Variants in TTN observed in about 807,000 individuals in gnomAD.
The protein encoded by TTN is connectin.
In TTN, 1,525 loss-of-function variants were observed where a neutral mutation model predicts 3,223.0. The ratio of observed to expected loss-of-function variants is 0.47; its 90% CI spans 0.45 to 0.49. The LOEUF is 0.49. TTN is among the 20% of genes least tolerant of loss of function. The probability of loss-of-function intolerance (pLI) is 0.00; values close to 1 mark genes in which losing one functional copy is unlikely to be tolerated. For synonymous variants in TTN, 14,094 were observed against 15,161.0 expected, an observed-to-expected ratio of 0.93 and a Z score of 5.17; for missense variants, 40,786 against 43,424.0, an observed-to-expected ratio of 0.94 and a Z score of 5.40.
rs757701692 is a variant in TTN, at chr2:178,580,399, T to C, written c.66980A>G (p.Tyr22327Cys). The C allele has an allele frequency of 6.2e-7, 1 of 1,613,320 alleles. No homozygotes were observed. The highest frequency in any genetic ancestry group is 8.5e-7 in the Non-Finnish European group (1 of 1,179,464). The change falls in exon 317 of 363, where the codon TAT becomes TGT. Residue 22327 changes from tyrosine (Y) to cysteine (C), a missense_variant. By Grantham distance (194) the Tyr-to-Cys change is radical (BLOSUM62 -2). Transcript: ENST00000589042. The part of the protein sequence containing the change: ...TFLRCENVNK[Y>C]DAGKYILTLE... ...GGTTAAGATATATTTTCCTGCATCA[T>C]ATTTGTTCACATTTTCACAGCGCAA...
In TTN at chr2:178,529,195, T is replaced by C. The variant is rs1422047351; in HGVS notation, c.106556A>G (p.Lys35519Arg). Reference protein sequence around the residue: ...IKAIKDTEAQKVSTQKTSEIT... With the variant: ...IKAIKDTEAQRVSTQKTSEIT... ...TTCAGAAGTCTTTTGTGTAGAGACTTTCTGTGCCTCAGTATCTTTTATAGC... is the reference window on the plus strand; with the variant it reads ...TTCAGAAGTCTTTTGTGTAGAGACTCTCTGTGCCTCAGTATCTTTTATAGC... Residue 35519 changes from lysine to arginine, a missense_variant, in exon 360 of 363, where the codon AAA becomes AGA. Transcript: ENST00000589042. 1 of 1,504,720 alleles carries C rather than the reference T, an allele frequency of 6.6e-7. No individual in the cohort carries two copies. The highest frequency in any genetic ancestry group is 1.8e-4 in the Middle Eastern group (1 of 5,626). The allele number at this position is 1,504,720 out of a possible 1,614,324, so 93.2% of individuals were successfully genotyped here.
At chr2:178,536,630 A>ATTAAT (rs1691630788) in intron 356 of TTN, 55 bp from the exon 357 acceptor site, 3 of 1,403,796 alleles carry the variant, frequency 2.1e-6, no homozygotes, top group Non-Finnish European at 2.8e-6. Context: ...GCTTTATTAA[A>ATTAAT]GCTTATTTTT....
In TTN at chr2:178,589,508, A is replaced by G; in HGVS notation, c.62217T>C (p.Tyr20739=). ...MVDRCVENQI[Y]EFRVQTKNEG... Reference sequence around the variant, plus strand: ...CATTCTTTGTTTGCACTCTGAACTCATAAATCTGGTTTTCAACACATCTGT... The same window carrying G: ...CATTCTTTGTTTGCACTCTGAACTCGTAAATCTGGTTTTCAACACATCTGT... The change falls in exon 304 of 363, where the codon TAT becomes TAC. Residue 20739 remains tyrosine, a synonymous_variant. Transcript: ENST00000589042. The G allele has an allele frequency of 6.2e-7, 1 of 1,613,384 alleles. No homozygotes were observed. Among genetic ancestry groups the G allele is most frequent in the African/African-American group, 1.3e-5 (1 of 75,010 alleles).
At position 178,565,306 on chromosome 2, in the gene TTN, A is replaced by C. The variant is rs764386833; in HGVS notation, c.80826T>G (p.Gly26942=). Residue 26942 remains glycine, a synonymous_variant, in exon 326 of 363, where the codon GGT becomes GGG. Coordinates refer to ENST00000589042, the MANE Select transcript of TTN (RefSeq NM_001267550.2). ...TGTATTTTCCAAAGTCATCTTTGTT[A>C]CCTTCTTTAATGTGCAAAACAGTTG... ...ATSTVLHIKE[G]NKDDFGKYTV... is the part of the protein sequence containing the mutation. 6 of 1,613,488 alleles carry C rather than the reference A, an allele frequency of 3.7e-6. No individual in the cohort carries two copies. Among genetic ancestry groups the C allele is most frequent in the Non-Finnish European group, 3.4e-6 (4 of 1,179,666 alleles).
intron 296 of TTN, 27 bp downstream of exon 296, chr2:178,594,317 G>A (rs1268375183): frequency 6.3e-7 from 1 of 1,590,194 alleles, no homozygotes; most frequent in Admixed American, 1.9e-5. Flanking sequence ...GCAAGTTTCA[G>A]AAGTATAAAT....
intron 147 of TTN, among the ~76,000 whole-genome samples, chr2:178,676,498 G>T (rs555071077): frequency 3.3e-5 from 5 of 151,926 alleles, no homozygotes; most frequent in Admixed American, 3.3e-4. Context: ...ATTCTGTCCT[G>T]TACTATGAGC....
At chr2:178,635,820 A>G in intron 226 of TTN, 105 bp from the exon 227 acceptor site, 2 of 1,515,024 alleles carry the variant, frequency 1.3e-6, no homozygotes, top group Non-Finnish European at 1.8e-6. Flanking sequence ...AATACTGGGC[A>G]TAATTAATCC....
Position 178,580,806 on chromosome 2 carries a change from TAGGCTTAACC to T in TTN, c.66770-207_66770-198del, listed in dbSNP as rs530965171. On this transcript the variant is annotated intron_variant, in intron 316 of 362. Transcript: ENST00000589042. ...GATCTTTCCATTTTCCACTATGCTT[TAGGCTTAACC>T]AGGTTTTCCCCCCGGAGGATCTGTA... 816 of 607,302 alleles carry T rather than the reference TAGGCTTAACC, an allele frequency of 1.3e-3. 3 individuals carry two copies. The highest frequency in any genetic ancestry group is 1.7e-3 in the Non-Finnish European group (638 of 368,570). 37.6% of individuals were successfully genotyped at this position (607,302 alleles called of 1,614,324 possible).
chr2:178,557,127 G>A lies in TTN; in HGVS notation c.88027C>T (p.Arg29343Cys). 4.3e-6 allele frequency: 7 copies of A among 1,613,562 alleles called. No individual in the cohort carries two copies. The East Asian group carries it at 8.9e-5, about 21-fold the overall frequency. ...IDACEPPRNV[R>C]ITDISKNSVS... ...GAGTTCTTTGAAATATCAGTGATAC[G>A]AACATTTCTTGGGGGTTCTGTGGTA... Residue 29343 changes from arginine to cysteine, a missense_variant, in exon 330 of 363, where the codon CGT (arginine) becomes TGT (cysteine). Physicochemically the swap from Arg to Cys is radical, Grantham distance 180. Coordinates refer to ENST00000589042, the MANE Select transcript of TTN (RefSeq NM_001267550.2).
chr2:178,607,883 C>T lies in TTN; in HGVS notation c.52904G>A (p.Arg17635Gln), dbSNP rs773522736. The change falls in exon 276 of 363, where the codon CGA becomes CAA. Residue 17635 changes from arginine (R) to glutamine (Q), a missense_variant. Transcript: ENST00000589042. The stretch of plus-strand genomic sequence containing the variant: ...CCGAAGTTTGTAATCAGCACCCTCT[C>T]GGATTTCTTTGACGGTGTACTGACG... ...KVRQYTVKEI[R>Q]EGADYKLRVS... 8.1e-6 allele frequency: 13 copies of T among 1,612,918 alleles called. No homozygotes were observed. The highest frequency in any genetic ancestry group is 4.0e-5 in the African/African-American group (3 of 74,866).
In TTN at chr2:178,564,903, C is replaced by T. The variant is rs878898668; in HGVS notation, c.81229G>A (p.Gly27077Arg). Reference sequence around the variant, plus strand: ...GAGATTGATGTCACAAAAGGAGTTCCAGGTGGTCCAGGTTCTTTAAATGGA... The same window carrying T: ...GAGATTGATGTCACAAAAGGAGTTCTAGGTGGTCCAGGTTCTTTAAATGGA... The part of the protein sequence containing the change: ...QYPFKEPGPP[G>R]TPFVTSISKD... Residue 27077 changes from glycine (G) to arginine (R), a missense_variant, in exon 326 of 363, where the codon GGA (glycine) becomes AGA (arginine). Transcript: ENST00000589042. 6.8e-6 allele frequency: 11 copies of T among 1,612,342 alleles called. No homozygotes were observed. In the African/African-American group the frequency reaches 1.1e-4, roughly 16 times the overall value.
In TTN at chr2:178,574,376, A is replaced by G; in HGVS notation, c.71756T>C (p.Met23919Thr). The G allele has an allele frequency of 1.2e-6, 2 of 1,613,608 alleles. No homozygotes were observed. Among genetic ancestry groups the G allele is most frequent in the Non-Finnish European group, 1.7e-6 (2 of 1,179,656 alleles). ...TGGGTCAATGGGATCCAGAGCCAACATAGGTTCTGATGGCTTGCTTGGCTT... is the reference window on the plus strand; with the variant it reads ...TGGGTCAATGGGATCCAGAGCCAACGTAGGTTCTGATGGCTTGCTTGGCTT... ...KSKPSKPSEPMLALDPIDPPG... is the reference protein window; with the variant it reads ...KSKPSKPSEPTLALDPIDPPG... Residue 23919 changes from methionine to threonine, a missense_variant, in exon 326 of 363, where the codon ATG becomes ACG. Coordinates refer to ENST00000589042, the MANE Select transcript of TTN (RefSeq NM_001267550.2).
At position 178,560,657 on chromosome 2, in the gene TTN, T is replaced by C; in HGVS notation, c.85475A>G (p.Glu28492Gly). 1.9e-6 allele frequency: 3 copies of C among 1,613,674 alleles called. No homozygotes were observed. The highest frequency in any genetic ancestry group is 2.5e-6 in the Non-Finnish European group (3 of 1,179,776). ...DIDYYIVEKR[E>G]TSHLAWTICE... is the part of the protein sequence containing the mutation. The stretch of plus-strand genomic sequence containing the variant: ...TATTGTCCATGCAAGGTGGCTTGTT[T>C]CACGTTTTTCTACGATGTAATAGTC... Residue 28492 changes from glutamate (E) to glycine (G), a missense_variant, in exon 326 of 363, where the codon GAA becomes GGA. Transcript: ENST00000589042.
In TTN at chr2:178,588,858, A is replaced by G. The variant is rs758926314; in HGVS notation, c.62867T>C (p.Ile20956Thr). ...TGPPTESKPV[I>T]AKTKYDKPGR... is the part of the protein sequence containing the mutation. ...AGGTTTATCATACTTGGTTTTGGCT[A>G]TGACTGGTTTACTTTCTGTTGGAGG... Residue 20956 changes from isoleucine (I) to threonine (T), a missense_variant, in exon 304 of 363, where the codon ATA becomes ACA. Ile to Thr is a moderately conservative substitution (Grantham distance 89). Transcript: ENST00000589042. The G allele has an allele frequency of 2.5e-5, 41 of 1,613,238 alleles. No homozygotes were observed. The highest frequency in any genetic ancestry group is 3.2e-5 in the Non-Finnish European group (38 of 1,179,628).
In TTN at chr2:178,667,325, A is replaced by C; in HGVS notation, c.35714-6T>G. On this transcript the variant is annotated splice_region_variant and splice_polypyrimidine_tract_variant and intron_variant, in intron 161 of 362. Transcript: ENST00000589042. ...GCCTCTGGTTGTATCAGGTTCTTTAAAGATATTAGTAGGTTTACATTTAAA... is the reference window on the plus strand; with the variant it reads ...GCCTCTGGTTGTATCAGGTTCTTTACAGATATTAGTAGGTTTACATTTAAA... 2 of 1,595,816 alleles carry C rather than the reference A, an allele frequency of 1.3e-6. No individual in the cohort carries two copies. The highest frequency in any genetic ancestry group is 1.7e-6 in the Non-Finnish European group (2 of 1,170,614).
rs560021681 is a variant in TTN, at chr2:178,739,120, AT to A, written c.14092+20del. The A allele has an allele frequency of 1.8e-4, 265 of 1,501,368 alleles. No homozygotes were observed. The highest frequency in any genetic ancestry group is 2.3e-4 in the Non-Finnish European group (254 of 1,126,652). The allele number at this position is 1,501,368 out of a possible 1,614,324, so 93.0% of individuals were successfully genotyped here. ...TCCAGTGAATGTTAGCATTTGATCTATTTTATCCTTAAAATCCAACCTCTTT... is the reference window on the plus strand; with the variant it reads ...TCCAGTGAATGTTAGCATTTGATCTATTTATCCTTAAAATCCAACCTCTTT... On this transcript the variant is annotated intron_variant, in intron 48 of 362. Coordinates refer to ENST00000589042, the MANE Select transcript of TTN (RefSeq NM_001267550.2).
rs1057365626 is a variant in TTN, at chr2:178,539,935, G to A, written c.98130C>T (p.Tyr32710=). 3.1e-6 allele frequency: 5 copies of A among 1,613,458 alleles called. No homozygotes were observed. In the African/African-American group the frequency reaches 4.0e-5, roughly 13 times the overall value. ...EYPDYELDER[Y]QEGIFVRQGG... ...CTTGCCTTACAAAGATACCTTCTTGGTATCTTTCATCAAGTTCATAATCAG... is the reference window on the plus strand; with the variant it reads ...CTTGCCTTACAAAGATACCTTCTTGATATCTTTCATCAAGTTCATAATCAG... Residue 32710 remains tyrosine, a synonymous_variant, in exon 352 of 363, where the codon TAC becomes TAT. Transcript: ENST00000589042.
intron 250 of TTN, chr2:178,619,159 G>C (rs940643493): frequency 2.4e-6 from 1 of 417,488 alleles, no homozygotes; most frequent in Non-Finnish European, 4.3e-6. Flanking sequence ...TTTTTTGATA[G>C]AGTAGGCACT....
At chr2:178,764,930 T>C in intron 41 of TTN, 119 bp from the exon 42 acceptor site, 2 of 1,182,452 alleles carry the variant, frequency 1.7e-6, no homozygotes, top group Non-Finnish European at 2.4e-6. Context: ...ATTTTGGAAT[T>C]GTGGTATTTT....
Sources: gnomAD v4.1 joint callset for allele counts (sites outside exome capture counted in the v4.1 genomes callset) on GRCh38, gnomAD v4.1.1 for gene constraint, MANE v1.5 for transcripts, NCBI Gene and HGNC (gene_info 2026-07-23, HGNC 2026-07-21) for gene names.